The following CFAP77 variants were observed in gnomAD, a reference collection of about 807,000 sequenced individuals.
The protein encoded by CFAP77 is cilia and flagella associated protein 77.
CFAP77 carries 25 observed loss-of-function variants against 31.1 expected under a neutral mutation model. That is an observed-to-expected ratio of 0.80 (90% CI 0.59 to 1.12). The LOEUF is 1.12. Among genes scored for constraint, CFAP77 ranks in the 50% most tolerant of loss-of-function variants. CFAP77 has a pLI of 0.00. For missense variants in CFAP77, 377 were observed against 397.3 expected (o/e 0.95, Z 0.44); for synonymous variants, 151 against 159.9 (o/e 0.94, Z 0.42).
chr9:132,508,773 A>G (rs1362544344), intron 3 of CFAP77, among the ~76,000 whole-genome samples: 1 of 152,144 alleles, frequency 6.6e-6, no homozygotes, highest in Non-Finnish European at 1.5e-5. Flanking sequence ...ACCTCATCTC[A>G]TTAAATACAA....
chr9:132,414,499 TCA>T (rs34016277), intron 1 of CFAP77, among the ~76,000 whole-genome samples: 59,738 of 143,420 alleles, frequency 0.42, 12,362 homozygotes, highest in Non-Finnish European at 0.48. Flanking sequence ...TAGCTCTTAT[TCA>T]CACACACACA....
chr9:132,424,371 C>T lies in CFAP77; in HGVS notation c.195+13905C>T, dbSNP rs933944624. Among the ~76,000 whole-genome samples, 2 of 151,916 alleles carry T rather than the reference C, an allele frequency of 1.3e-5. No homozygotes were observed. Among genetic ancestry groups the T allele is most frequent in the Admixed American group, 1.3e-4 (2 of 15,252 alleles). On this transcript the variant is annotated intron_variant, in intron 1 of 5. Coordinates refer to ENST00000393216, the MANE Select transcript of CFAP77 (RefSeq NM_001282957.2). The surrounding 1 kb of genome is among the most constrained non-coding windows in gnomAD (Gnocchi z 4.1). ...GGGCTGAGATCGTGCCACTGCACTC[C>T]AGCCTGGGCGACAGAGCAAGACTCC...
chr9:132,522,105 C>G (rs1852279088), intron 3 of CFAP77, among the ~76,000 whole-genome samples: 1 of 152,088 alleles, frequency 6.6e-6, no homozygotes, highest in South Asian at 2.1e-4. Context: ...CTATGAGGAG[C>G]AGGGGGCCAG....
intron 3 of CFAP77, among the ~76,000 whole-genome samples, chr9:132,522,920 A>G (rs1852294257): frequency 6.6e-6 from 1 of 152,032 alleles, no homozygotes; most frequent in African/African-American, 2.4e-5. Flanking sequence ...GCCTCAGCCA[A>G]CTCTCAGGAG....
At position 132,467,496 on chromosome 9, in the gene CFAP77, T is replaced by C. The variant is rs577291688; in HGVS notation, c.196-31199T>C. 5.9e-5 allele frequency among the ~76,000 whole-genome samples: 9 copies of C among 152,304 alleles called. No individual in the cohort carries two copies. The South Asian group carries it at 1.9e-3, about 32-fold the overall frequency. ...TTCACTTAGCACACTGCCGTGAAGG[T>C]CCATCCACATTGTAGCATGTGTCAG... On this transcript the variant is annotated intron_variant, in intron 1 of 5. Transcript: ENST00000393216.
chr9:132,546,764 G>A (rs542507860), intron 5 of CFAP77, among the ~76,000 whole-genome samples: 90 of 152,360 alleles, frequency 5.9e-4, no homozygotes, highest in Non-Finnish European at 9.4e-4. Context: ...CTGGTGGCTG[G>A]GGCCCAGAAG....
At chr9:132,421,327 G>GT (rs1456116106) in intron 1 of CFAP77, among the ~76,000 whole-genome samples, 8 of 151,866 alleles carry the variant, frequency 5.3e-5, no homozygotes, top group African/African-American at 1.7e-4. Flanking sequence ...TAGCAAGTAT[G>GT]TGGGGGGGAA....
chr9:132,443,709 A>G (rs1850657829), intron 1 of CFAP77, among the ~76,000 whole-genome samples: 1 of 152,216 alleles, frequency 6.6e-6, no homozygotes, highest in Non-Finnish European at 1.5e-5. Context: ...TATTAACCCA[A>G]GACGTAGGAA....
At chr9:132,436,409 A>G (rs1420893209) in intron 1 of CFAP77, among the ~76,000 whole-genome samples, 2 of 152,166 alleles carry the variant, frequency 1.3e-5, no homozygotes, top group Admixed American at 6.5e-5. Context: ...TCTTAATTGC[A>G]TTTGCAATGA....
intron 1 of CFAP77, among the ~76,000 whole-genome samples, chr9:132,483,937 T>TA (rs1851494651): frequency 9.6e-6 from 1 of 104,032 alleles, no homozygotes; most frequent in East Asian, 2.6e-4. Flanking sequence ...AGGTATTGTC[T>TA]TTTTTTTTTT....
chr9:132,451,011 A>G, intron 1 of CFAP77, among the ~76,000 whole-genome samples: 1 of 152,190 alleles, frequency 6.6e-6, no homozygotes. Context: ...ACCAAGATGG[A>G]AAATTCCAGA....
intron 3 of CFAP77, among the ~76,000 whole-genome samples, chr9:132,530,393 A>G (rs1852421837): frequency 6.6e-6 from 1 of 151,206 alleles, no homozygotes; most frequent in Admixed American, 6.6e-5. Context: ...CTTGTGTCTC[A>G]GCCTCTTGAT....
chr9:132,573,308 T>C lies in CFAP77; in HGVS notation c.*798T>C, dbSNP rs1589933285. The C allele has an allele frequency of 1.3e-5, 2 of 152,218 alleles. No individual in the cohort carries two copies. Among genetic ancestry groups the C allele is most frequent in the African/African-American group, 4.8e-5 (2 of 41,452 alleles). 9.4% of individuals were successfully genotyped at this position (152,218 alleles called of 1,614,324 possible). A position where few individuals can be genotyped will look rare whatever the true frequency, so the allele number is the denominator to read the frequency against. ...GATCTATTTTAAATTAAAAATGCTA[T>C]TTGTCATCCTCCTTTTGTGTCTCCA... On this transcript the variant is annotated 3_prime_UTR_variant, in exon 6 of 6. Coordinates refer to ENST00000393216, the MANE Select transcript of CFAP77 (RefSeq NM_001282957.2).
intron 3 of CFAP77, among the ~76,000 whole-genome samples, chr9:132,530,233 G>A (rs1195146950): frequency 6.7e-6 from 1 of 149,888 alleles, no homozygotes; most frequent in African/African-American, 2.5e-5. Flanking sequence ...TCAACATGGG[G>A]GGATTACAGG....
chr9:132,516,213 T>A (rs1194518710), intron 3 of CFAP77, among the ~76,000 whole-genome samples: 1 of 152,134 alleles, frequency 6.6e-6, no homozygotes, highest in Non-Finnish European at 1.5e-5. Context: ...TTTAAAAAAA[T>A]ATATATTGGT....
chr9:132,486,083 TATA>T lies in CFAP77; in HGVS notation c.196-12611_196-12609del, dbSNP rs1355521319. On this transcript the variant is annotated intron_variant, in intron 1 of 5. Coordinates refer to ENST00000393216, the MANE Select transcript of CFAP77 (RefSeq NM_001282957.2). The stretch of plus-strand genomic sequence containing the variant: ...GTGTGTGTGTATATATATATATATA[TATA>T]TATATTTTTTTTTTTTTTTTTTTTG... Among the ~76,000 whole-genome samples, 9 of 23,692 alleles carry T rather than the reference TATA, an allele frequency of 3.8e-4. 1 individual carries two copies. Among genetic ancestry groups the T allele is most frequent in the East Asian group, 5.0e-3 (2 of 404 alleles). 15.5% of individuals were successfully genotyped at this position (23,692 alleles called of 152,430 possible).
At chr9:132,560,985 G>C (rs1045749231) in intron 5 of CFAP77, among the ~76,000 whole-genome samples, 4 of 152,182 alleles carry the variant, frequency 2.6e-5, no homozygotes, top group Admixed American at 6.5e-5. Flanking sequence ...AGAGAAATGA[G>C]AGCCAGTGGC....
intron 5 of CFAP77, among the ~76,000 whole-genome samples, chr9:132,563,811 T>C (rs902530911): frequency 6.6e-6 from 1 of 152,336 alleles, no homozygotes; most frequent in East Asian, 1.9e-4. Context: ...GTGTGTGTAA[T>C]GCTTATTCTC....
In CFAP77 at chr9:132,511,140, T is replaced by C. The variant is rs576098602; in HGVS notation, c.524+11540T>C. 1.6e-4 allele frequency among the ~76,000 whole-genome samples: 25 copies of C among 152,312 alleles called. No individual in the cohort carries two copies. Among genetic ancestry groups the C allele is most frequent in the African/African-American group, 5.3e-4 (22 of 41,564 alleles). ...CAAACCAATATGCAATCAGCAGGTATAACAGCAAGGCAGTGCATGCTGTTT... is the reference window on the plus strand; with the variant it reads ...CAAACCAATATGCAATCAGCAGGTACAACAGCAAGGCAGTGCATGCTGTTT... On this transcript the variant is annotated intron_variant, in intron 3 of 5. Transcript: ENST00000393216. This position sits in a 1 kb window ranked among gnomAD's most constrained non-coding sequence, Gnocchi z 5.8.
Sources: allele counts gnomAD v4.1 joint callset (sites outside exome capture counted in the v4.1 genomes callset), GRCh38; gene constraint gnomAD v4.1.1; non-coding constraint Gnocchi (gnomAD v3.1); transcripts MANE v1.5; gene names NCBI Gene and HGNC (gene_info 2026-07-23, HGNC 2026-07-21).